The following ENTREP2 variants were observed in gnomAD, a reference collection of about 807,000 sequenced individuals.
ENTREP2 encodes endosomal transmembrane epsin interactor 2.
chr15:29,646,067 C>G, the ENTREP2 span, among the ~76,000 whole-genome samples: 1 of 152,178 alleles, frequency 6.6e-6, no homozygotes, highest in South Asian at 2.1e-4. Context: ...TTGTAGTCAA[C>G]AGAGCTCTTG....
At chr15:29,432,402 C>T in the ENTREP2 span, among the ~76,000 whole-genome samples, 2 of 152,212 alleles carry the variant, frequency 1.3e-5, no homozygotes. Context: ...TTCCACATCA[C>T]GGATGCCTCG....
chr15:29,519,766 C>T, the ENTREP2 span, among the ~76,000 whole-genome samples: 1 of 152,190 alleles, frequency 6.6e-6, no homozygotes. Context: ...CCATCATATG[C>T]CCTGTGACCT....
At chr15:29,493,632 G>C in the ENTREP2 span, among the ~76,000 whole-genome samples, 1 of 151,830 alleles carries the variant, frequency 6.6e-6, no homozygotes, top group African/African-American at 2.4e-5. Flanking sequence ...TAAATAAATA[G>C]TTCAGATAGA....
chr15:29,326,454 A>G, the ENTREP2 span, among the ~76,000 whole-genome samples: 1 of 152,204 alleles, frequency 6.6e-6, no homozygotes, highest in Non-Finnish European at 1.5e-5. Context: ...GAAATTTAAA[A>G]TGTACCATTA....
the ENTREP2 span, among the ~76,000 whole-genome samples, chr15:29,540,249 C>T: frequency 2.9e-3 from 445 of 152,242 alleles, 1 homozygote; most frequent in African/African-American, 9.8e-3. Flanking sequence ...GTGTTAGGTA[C>T]GTTTCAACTC....
At chr15:29,339,337 A>C in the ENTREP2 span, among the ~76,000 whole-genome samples, 1 of 152,352 alleles carries the variant, frequency 6.6e-6, no homozygotes, top group African/African-American at 2.4e-5. Context: ...GGAAAATTGA[A>C]AAGACATTCT....
At chr15:29,647,505 CTGTAATGTACAGTACAGGCAAA>C in the ENTREP2 span, among the ~76,000 whole-genome samples, 1 of 152,158 alleles carries the variant, frequency 6.6e-6, no homozygotes, top group Non-Finnish European at 1.5e-5. Context: ...GGCAAATGTA[CTGTAATGTACAGTACAGGCAAA>C]TGTACTGTGA....
the ENTREP2 span, among the ~76,000 whole-genome samples, chr15:29,183,464 C>G: frequency 1.3e-5 from 2 of 152,178 alleles, no homozygotes; most frequent in Non-Finnish European, 2.9e-5. Flanking sequence ...GGTGCACACA[C>G]GCTGCCGAGT....
At chr15:29,567,359 G>T in the ENTREP2 span, among the ~76,000 whole-genome samples, 1 of 152,150 alleles carries the variant, frequency 6.6e-6, no homozygotes, top group Non-Finnish European at 1.5e-5. Flanking sequence ...CATGTTTTAT[G>T]CTTTTCCTAA....
chr15:29,226,529 G>A, the ENTREP2 span, among the ~76,000 whole-genome samples: 1 of 152,208 alleles, frequency 6.6e-6, no homozygotes, highest in African/African-American at 2.4e-5. Context: ...TAAAGGCTGT[G>A]CCTTTGGGCA....
the ENTREP2 span, among the ~76,000 whole-genome samples, chr15:29,509,438 T>C: frequency 6.6e-6 from 1 of 152,200 alleles, no homozygotes; most frequent in African/African-American, 2.4e-5. Context: ...AGAGCCTGTA[T>C]AGCCAAGACT....
At chr15:29,555,707 G>A in the ENTREP2 span, among the ~76,000 whole-genome samples, 5 of 152,168 alleles carry the variant, frequency 3.3e-5, no homozygotes, top group African/African-American at 7.2e-5. Flanking sequence ...GAAAAGATGG[G>A]CACCAGGAAG....
the ENTREP2 span, among the ~76,000 whole-genome samples, chr15:29,235,943 A>G: frequency 1.3e-3 from 199 of 152,246 alleles, no homozygotes; most frequent in Middle Eastern, 0.01. Flanking sequence ...AGCCTGGGCG[A>G]CAGAGTGAGA....
the ENTREP2 span, among the ~76,000 whole-genome samples, chr15:29,534,051 C>T: frequency 7.8e-6 from 1 of 128,214 alleles, no homozygotes; most frequent in African/African-American, 3.0e-5. Flanking sequence ...GAAAGAGTGT[C>T]ATATGTCCAA....
chr15:29,229,140 T>TA, the ENTREP2 span, among the ~76,000 whole-genome samples: 1 of 152,172 alleles, frequency 6.6e-6, no homozygotes, highest in African/African-American at 2.4e-5. Context: ...TATCAATTTT[T>TA]AAAAAGCTTT....
chr15:29,486,774 T>G, the ENTREP2 span, among the ~76,000 whole-genome samples: 73 of 152,162 alleles, frequency 4.8e-4, no homozygotes, highest in African/African-American at 1.8e-3. Flanking sequence ...TTAAGCAAAG[T>G]AAGTCAGGCA....
the ENTREP2 span, among the ~76,000 whole-genome samples, chr15:29,176,584 C>A: frequency 7.2e-5 from 11 of 152,134 alleles, no homozygotes; most frequent in African/African-American, 2.7e-4. Context: ...GAGAAGCCCC[C>A]AGGAAGTGTG....
At chr15:29,596,854 G>C in the ENTREP2 span, among the ~76,000 whole-genome samples, 3 of 152,042 alleles carry the variant, frequency 2.0e-5, no homozygotes, top group Non-Finnish European at 2.9e-5. Context: ...TTTTTTAGTA[G>C]AGACAGGCTT....
chr15:29,303,108 C>T, the ENTREP2 span, among the ~76,000 whole-genome samples: 16,505 of 152,182 alleles, frequency 0.11, 978 homozygotes, highest in Middle Eastern at 0.16. Context: ...TCGGAGCCCA[C>T]ACGACACTCC....
Sources: allele counts gnomAD v4.1 joint callset (sites outside exome capture counted in the v4.1 genomes callset), GRCh38; gene constraint gnomAD v4.1.1; transcripts MANE v1.5; gene names NCBI Gene and HGNC (gene_info 2026-07-23, HGNC 2026-07-21).